Variants in FBLN2 observed in about 807,000 individuals in gnomAD.
The protein encoded by FBLN2 is fibulin 2.
A neutral mutation model predicts 123.7 loss-of-function variants in FBLN2; 81 were observed. The observed-to-expected ratio is 0.65, with a 90% CI of 0.55 to 0.79. The LOEUF (loss-of-function observed/expected upper bound fraction) is 0.79, where lower values mean the gene tolerates loss of function less well. Ranked by LOEUF, FBLN2 falls within the 30% of genes least tolerant of loss-of-function variation. The pLI is 0.00. For synonymous variants in FBLN2, 699 were observed against 701.4 expected (o/e 1.00, Z 0.05); for missense variants, 1,603 against 1,681.3 (o/e 0.95, Z 0.81).
In FBLN2 at chr3:13,585,380, G is replaced by C. The variant is rs532634047; in HGVS notation, c.1306+13719G>C. 2.6e-5 allele frequency among the ~76,000 whole-genome samples: 4 copies of C among 152,272 alleles called. No individual in the cohort carries two copies. In the South Asian group the frequency reaches 6.2e-4, roughly 24 times the overall value. ...AGACAGAGGAAGGATGTATTTTAGT[G>C]GGGGGTGTGCATGGGGGAATCAGAT... is the stretch of plus-strand genomic sequence containing the variant. On this transcript the variant is annotated intron_variant, in intron 2 of 17. Coordinates refer to ENST00000404922, the MANE Select transcript of FBLN2 (RefSeq NM_001004019.2).
intron 4 of FBLN2, 47 bp downstream of exon 4, chr3:13,609,689 C>CCCCG: frequency 4.4e-5 from 19 of 428,786 alleles, no homozygotes; most frequent in East Asian, 1.6e-4. Context: ...TGGGGCGGGG[C>CCCCG]GGGAGGCTGG....
intron 1 of FBLN2, chr3:13,568,721 G>A (rs904629011): frequency 1.4e-5 from 14 of 973,404 alleles, no homozygotes; most frequent in East Asian, 1.1e-4. Context: ...ACACTGCCAC[G>A]TCCTCCTTCC....
chr3:13,637,412 A>G, intron 17 of FBLN2, 150 bp from the exon 18 acceptor site: 1 of 658,296 alleles, frequency 1.5e-6, no homozygotes, highest in Non-Finnish European at 2.6e-6. Context: ...ACTGAGACCC[A>G]GGGGACGTAA....
At chr3:13,561,198 G>T (rs1703590773) in intron 1 of FBLN2, among the ~76,000 whole-genome samples, 1 of 152,152 alleles carries the variant, frequency 6.6e-6, no homozygotes, top group Non-Finnish European at 1.5e-5. Context: ...ATTTCACCAG[G>T]TTTTGTACTT....
At chr3:13,615,933 T>G (rs1705586026) in intron 5 of FBLN2, among the ~76,000 whole-genome samples, 1 of 152,116 alleles carries the variant, frequency 6.6e-6, no homozygotes, top group Non-Finnish European at 1.5e-5. Flanking sequence ...AGTCTGTGCA[T>G]AGGGGTTAAG....
Position 13,630,692 on chromosome 3 carries a change from C to T in FBLN2, c.2969-7C>T, listed in dbSNP as rs1220446501. 2 of 1,591,556 alleles carry T rather than the reference C, an allele frequency of 1.3e-6. No homozygotes were observed. The highest frequency in any genetic ancestry group is 1.7e-4 in the Middle Eastern group (1 of 6,008). ...CCTGCCATGACTGCCTGCTGGTGTC[C>T]CTGCAGACGTGAATGAGTGTGAGGC... On this transcript the variant is annotated splice_region_variant and splice_polypyrimidine_tract_variant and intron_variant, in intron 14 of 17. Coordinates refer to ENST00000404922, the MANE Select transcript of FBLN2 (RefSeq NM_001004019.2).
rs565469035 is a variant in FBLN2, at chr3:13,613,865, A to G, written c.1549-119A>G. The G allele has an allele frequency of 3.3e-5, 38 of 1,143,504 alleles. No individual in the cohort carries two copies. In the African/African-American group the frequency reaches 4.8e-4, roughly 14 times the overall value. The allele number at this position is 1,143,504 out of a possible 1,614,324, so 70.8% of individuals were successfully genotyped here. On this transcript the variant is annotated intron_variant, in intron 4 of 17. Coordinates refer to ENST00000404922, the MANE Select transcript of FBLN2 (RefSeq NM_001004019.2). Reference sequence around the variant, plus strand: ...GGACCCCTCTGCCCTGGGAGAGCGCATAGTCTGGCAGAGGAGATAAGATAA... The same window carrying G: ...GGACCCCTCTGCCCTGGGAGAGCGCGTAGTCTGGCAGAGGAGATAAGATAA...
At position 13,637,658 on chromosome 3, in the gene FBLN2, G is replaced by A; in HGVS notation, c.3435G>A (p.Leu1145=). 6.2e-7 allele frequency: 1 copy of A among 1,614,002 alleles called. No homozygotes were observed. The highest frequency in any genetic ancestry group is 8.5e-7 in the Non-Finnish European group (1 of 1,179,882). The stretch of plus-strand genomic sequence containing the variant: ...AGCTCAACTTCCAGACGGGCCTCCT[G>A]GTGCCTGCGCATATCTTCCGCATTG... The part of the protein sequence containing the change: ...HYQLNFQTGL[L]VPAHIFRIGP... The change falls in exon 18 of 18, where the codon CTG becomes CTA. Residue 1145 remains leucine (L), a synonymous_variant. Transcript: ENST00000404922.
intron 2 of FBLN2, among the ~76,000 whole-genome samples, chr3:13,579,515 C>T (rs1024104199): frequency 6.6e-6 from 1 of 152,226 alleles, no homozygotes; most frequent in Non-Finnish European, 1.5e-5. Flanking sequence ...CATGTAGGTG[C>T]GTGCACGTAT....
chr3:13,628,823 C>G, intron 11 of FBLN2, 82 bp from the exon 12 acceptor site: 1 of 1,525,170 alleles, frequency 6.6e-7, no homozygotes, highest in East Asian at 2.4e-5. Context: ...GGACCGACCC[C>G]CTCCCAGTGT....
chr3:13,570,261 C>T (rs1034403954), intron 1 of FBLN2, 54 bp from the exon 2 acceptor site: 16 of 1,433,476 alleles, frequency 1.1e-5, no homozygotes, highest in Middle Eastern at 1.8e-4. Flanking sequence ...CGGTGTGCAC[C>T]GTGTCTGTGT....
At chr3:13,620,710 A>G (rs1255915846) in intron 8 of FBLN2, among the ~76,000 whole-genome samples, 1 of 152,162 alleles carries the variant, frequency 6.6e-6, no homozygotes, top group Non-Finnish European at 1.5e-5. Flanking sequence ...TCTAGGAAGT[A>G]TGGCAGTTCT....
intron 13 of FBLN2, among the ~76,000 whole-genome samples, 183 bp downstream of exon 13, chr3:13,629,475 C>T (rs1030316679): frequency 6.6e-6 from 1 of 152,196 alleles, no homozygotes; most frequent in South Asian, 2.1e-4. Context: ...TGGCTCTGGC[C>T]CCCGCCCCCA....
intron 2 of FBLN2, among the ~76,000 whole-genome samples, chr3:13,607,283 G>T (rs1282972343): frequency 1.3e-5 from 2 of 151,936 alleles, no homozygotes; most frequent in Non-Finnish European, 2.9e-5. Context: ...ACCGCACCCA[G>T]CCTATATTCT....
At chr3:13,624,233 C>T (rs1213359485) in intron 9 of FBLN2, among the ~76,000 whole-genome samples, 2 of 152,240 alleles carry the variant, frequency 1.3e-5, no homozygotes, top group African/African-American at 4.8e-5. Context: ...GGTCCAGTCA[C>T]AGCACTACCG....
chr3:13,609,992 G>A (rs1705336832), intron 4 of FBLN2, among the ~76,000 whole-genome samples: 1 of 152,224 alleles, frequency 6.6e-6, no homozygotes, highest in Non-Finnish European at 1.5e-5. Context: ...TGGCGTGGTT[G>A]CAGGCGATTG....
chr3:13,551,005 G>A (rs577283092), intron 1 of FBLN2, among the ~76,000 whole-genome samples: 1 of 152,374 alleles, frequency 6.6e-6, no homozygotes, highest in East Asian at 1.9e-4. Flanking sequence ...TTCAGGATCT[G>A]CATCTCCTGG....
chr3:13,615,260 G>A (rs966820264), intron 5 of FBLN2, among the ~76,000 whole-genome samples: 2 of 152,360 alleles, frequency 1.3e-5, no homozygotes, highest in Middle Eastern at 3.4e-3. Flanking sequence ...CTGGTGCCGT[G>A]AGAGTCCTGG....
chr3:13,596,354 G>C (rs1417476193), intron 2 of FBLN2, among the ~76,000 whole-genome samples: 2 of 152,168 alleles, frequency 1.3e-5, no homozygotes, highest in Non-Finnish European at 2.9e-5. Context: ...ACCTAGGCTG[G>C]TCAGCATCAG....
Sources: gnomAD v4.1 joint callset for allele counts (sites outside exome capture counted in the v4.1 genomes callset) on GRCh38, gnomAD v4.1.1 for gene constraint, MANE v1.5 for transcripts, NCBI Gene and HGNC (gene_info 2026-07-23, HGNC 2026-07-21) for gene names.